Variants in EIF2S3 observed in about 807,000 individuals in gnomAD.
EIF2S3 encodes the protein eukaryotic translation initiation factor 2 subunit gamma.
A neutral mutation model predicts 31.7 loss-of-function variants in EIF2S3; 2 were observed. The observed-to-expected ratio is 0.06, with a 90% CI of 0.03 to 0.20. The LOEUF (loss-of-function observed/expected upper bound fraction) is 0.20, where lower values mean the gene tolerates loss of function less well. EIF2S3 is among the 10% of genes least tolerant of loss of function. The pLI is 1.00. For missense variants in EIF2S3, 96 were observed against 359.3 expected, an observed-to-expected ratio of 0.27 and a Z score of 5.92; for synonymous variants, 120 against 126.7, an observed-to-expected ratio of 0.95 and a Z score of 0.36.
At position 24,068,602 on chromosome X, in the gene EIF2S3, G is replaced by C. The variant is rs187418094; in HGVS notation, c.1012+494G>C. 5.3e-3 allele frequency among the ~76,000 whole-genome samples: 583 copies of C among 110,587 alleles called. 4 individuals are homozygous for C. Among genetic ancestry groups the C allele is most frequent in the African/African-American group, 0.018 (553 of 30,434 alleles). On this transcript the variant is annotated intron_variant, in intron 9 of 11. Transcript: ENST00000253039. The stretch of plus-strand genomic sequence containing the variant: ...TGGGACTACAGGCACATGCTGCCAG[G>C]CCCAGCTAAGATTTTTGTATTTTAG...
chrX:24,066,228 G>T, intron 8 of EIF2S3, 136 bp downstream of exon 8: 1 of 411,698 alleles, frequency 2.4e-6, no homozygotes, highest in Non-Finnish European at 4.0e-6. Flanking sequence ...CATGGTTTCT[G>T]GTATTTGATG....
At chrX:24,062,686 C>A in intron 6 of EIF2S3, 112 bp downstream of exon 6, 3 of 887,216 alleles carry the variant, frequency 3.4e-6, no homozygotes, top group Middle Eastern at 3.2e-4. Flanking sequence ...GGTAAACTTA[C>A]AAGTCTTAAG....
At chrX:24,073,475 G>A (rs1465553520) in intron 11 of EIF2S3, 11 of 331,137 alleles carry the variant, frequency 3.3e-5, no homozygotes, top group Non-Finnish European at 4.1e-5. Context: ...GGTGGATCAT[G>A]AGGTCAGGAG....
intron 5 of EIF2S3, 132 bp from the exon 6 acceptor site, chrX:24,062,284 G>A (rs1186750633): frequency 1.3e-5 from 8 of 630,815 alleles, no homozygotes; most frequent in Non-Finnish European, 1.9e-5. Context: ...CCCATGAAGC[G>A]TCAGTCCACA....
intron 2 of EIF2S3, 92 bp downstream of exon 2, chrX:24,055,770 G>C: frequency 1.1e-6 from 1 of 873,276 alleles, no homozygotes; most frequent in Non-Finnish European, 1.7e-6. Flanking sequence ...TGAGGATTCA[G>C]ATATTCAAGA....
intron 4 of EIF2S3, among the ~76,000 whole-genome samples, chrX:24,059,102 G>A (rs180763825): frequency 8.9e-6 from 1 of 112,108 alleles, no homozygotes; most frequent in Non-Finnish European, 1.9e-5. Flanking sequence ...CCTTTAATAG[G>A]GGATCAGCAA....
chrX:24,055,508 G>A, intron 1 of EIF2S3, 107 bp from the exon 2 acceptor site: 2 of 766,765 alleles, frequency 2.6e-6, no homozygotes. Context: ...TTTAGAAGTA[G>A]TGGAAAGCTG....
At chrX:24,071,138 GTA>G (rs2147130603) in intron 9 of EIF2S3, among the ~76,000 whole-genome samples, 1 of 110,668 alleles carries the variant, frequency 9.0e-6, no homozygotes, top group East Asian at 2.8e-4. Flanking sequence ...AAAAATAAAA[GTA>G]TGAAAGTGTG....
intron 6 of EIF2S3, among the ~76,000 whole-genome samples, chrX:24,063,830 A>C (rs1402132368): frequency 8.9e-6 from 1 of 111,734 alleles, no homozygotes; most frequent in African/African-American, 3.2e-5. Context: ...CTGTAATTTT[A>C]TCTTGACATT....
chrX:24,061,467 G>A (rs1034128232), intron 5 of EIF2S3, among the ~76,000 whole-genome samples: 4 of 108,600 alleles, frequency 3.7e-5, no homozygotes, highest in Non-Finnish European at 5.7e-5. Flanking sequence ...GCTGAGGCAG[G>A]AGAATCGCTT....
At chrX:24,063,968 T>C (rs1032186845) in intron 6 of EIF2S3, among the ~76,000 whole-genome samples, 1 of 112,045 alleles carries the variant, frequency 8.9e-6, no homozygotes, top group African/African-American at 3.2e-5. Context: ...TGTCTACTAA[T>C]ATAATGTAAC....
intron 1 of EIF2S3, among the ~76,000 whole-genome samples, chrX:24,055,327 G>A (rs892559247): frequency 9.0e-6 from 1 of 111,723 alleles, no homozygotes; most frequent in Non-Finnish European, 1.9e-5. Context: ...TGGGAAGGGG[G>A]TGTCCTGTCT....
At chrX:24,060,032 T>C (rs1930467048) in intron 4 of EIF2S3, 56 bp from the exon 5 acceptor site, 2 of 909,387 alleles carry the variant, frequency 2.2e-6, no homozygotes, top group Admixed American at 4.9e-5. Flanking sequence ...AATCTAAAAC[T>C]AGCATGTGTA....
intron 5 of EIF2S3, 52 bp from the exon 6 acceptor site, chrX:24,062,364 T>C: frequency 8.7e-7 from 1 of 1,149,036 alleles, no homozygotes; most frequent in Non-Finnish European, 1.2e-6. Context: ...CCGCCTATTC[T>C]GGATATTTCC....
chrX:24,062,677 G>T, intron 6 of EIF2S3, 103 bp downstream of exon 6: 1 of 946,181 alleles, frequency 1.1e-6, no homozygotes. Context: ...CTAAAACAAG[G>T]TAAACTTACA....
In EIF2S3 at chrX:24,076,905, A is replaced by T; in HGVS notation, c.*120A>T. On this transcript the variant is annotated 3_prime_UTR_variant, in exon 12 of 12. Coordinates refer to ENST00000253039, the MANE Select transcript of EIF2S3 (RefSeq NM_001415.4). ...TGATTTCACAGTTCGTTACCTTAGT[A>T]GGTAACGGTAAGGTTATTCTCTTTT... 5.8e-5 allele frequency: 19 copies of T among 326,099 alleles called. No individual in the cohort carries two copies. Among genetic ancestry groups the T allele is most frequent in the Non-Finnish European group, 6.1e-5 (12 of 196,445 alleles). The allele number at this position is 326,099 out of a possible 1,213,427, so 26.9% of individuals were successfully genotyped here.
At chrX:24,071,508 G>A (rs972765802) in intron 9 of EIF2S3, 50 bp from the exon 10 acceptor site, 3 of 1,151,803 alleles carry the variant, frequency 2.6e-6, no homozygotes, top group Non-Finnish European at 3.5e-6. Context: ...CACTTTATAG[G>A]TGTTTTAGGA....
At chrX:24,062,879 T>TA (rs1930513835) in intron 6 of EIF2S3, among the ~76,000 whole-genome samples, 2 of 111,965 alleles carry the variant, frequency 1.8e-5, no homozygotes, top group African/African-American at 6.5e-5. Flanking sequence ...AAAATAATTT[T>TA]AAAAAACCTT....
chrX:24,074,862 C>CTTTTTTTTTTTTTTTTTTTTTTTTT (rs758813480), intron 11 of EIF2S3, among the ~76,000 whole-genome samples: 7 of 47,474 alleles, frequency 1.5e-4, no homozygotes, highest in African/African-American at 3.8e-4. Flanking sequence ...TTTTCTTCTT[C>CTTTTTTTTTTTTTTTTTTTTTTTTT]TTTTTTTTTT....
Sources: allele counts gnomAD v4.1 joint callset (sites outside exome capture counted in the v4.1 genomes callset), GRCh38; gene constraint gnomAD v4.1.1; transcripts MANE v1.5; gene names NCBI Gene and HGNC (gene_info 2026-07-23, HGNC 2026-07-21).